RGS12: variants seen among roughly 807,000 people sequenced by gnomAD.
The protein encoded by RGS12 is regulator of G-protein signaling 12.
A neutral mutation model predicts 120.1 loss-of-function variants in RGS12; 66 were observed. That is an observed-to-expected ratio of 0.55 (90% CI 0.45 to 0.67). The LOEUF is 0.67. RGS12 is among the 30% of genes least tolerant of loss of function. The pLI, the probability that RGS12 is intolerant of heterozygous loss-of-function variation, is 0.00. For synonymous variants in RGS12, 827 were observed against 804.7 expected, an observed-to-expected ratio of 1.03 and a Z score of -0.47; for missense variants, 1,859 against 1,957.7, an observed-to-expected ratio of 0.95 and a Z score of 0.95.
At chr4:3,307,956 A>G (rs912075724) in intron 1 of RGS12, among the ~76,000 whole-genome samples, 1 of 152,272 alleles carries the variant, frequency 6.6e-6, no homozygotes, top group Non-Finnish European at 1.5e-5. Context: ...GGTTCCAGCC[A>G]GACTCACCAG....
chr4:3,396,347 G>A (rs1720048638), intron 4 of RGS12, among the ~76,000 whole-genome samples: 1 of 152,110 alleles, frequency 6.6e-6, no homozygotes, highest in South Asian at 2.1e-4. Flanking sequence ...TAATGCTTAT[G>A]TCCCTTTAGA....
Position 3,366,553 on chromosome 4 carries a change from G to A in RGS12, c.1999-19863G>A, listed in dbSNP as rs868847176. ...TCCGGCCCCGTGAAGGAGGCAGCAGGGCTTGCGGCCGGGATCCACCAGGGC... is the reference window on the plus strand; with the variant it reads ...TCCGGCCCCGTGAAGGAGGCAGCAGAGCTTGCGGCCGGGATCCACCAGGGC... On this transcript the variant is annotated intron_variant, in intron 3 of 17. Transcript: ENST00000336727. This position sits in a 1 kb window ranked among gnomAD's most constrained non-coding sequence, Gnocchi z 4.0. Among the ~76,000 whole-genome samples the A allele has an allele frequency of 6.6e-6, 1 of 152,178 alleles. No individual in the cohort carries two copies. The highest frequency in any genetic ancestry group is 2.1e-4 in the South Asian group (1 of 4,830).
chr4:3,368,608 A>G (rs1359094234), intron 3 of RGS12, among the ~76,000 whole-genome samples: 2 of 61,502 alleles, frequency 3.3e-5, no homozygotes, highest in Non-Finnish European at 3.0e-5. Context: ...GTGTGTGGGT[A>G]CCTGTGTGTG....
Position 3,414,224 on chromosome 4 carries a change from G to A in RGS12, c.2173G>A (p.Gly725Ser), listed in dbSNP as rs1722076890. 4 of 1,544,046 alleles carry A rather than the reference G, an allele frequency of 2.6e-6. No individual in the cohort carries two copies. Among genetic ancestry groups the A allele is most frequent in the Non-Finnish European group, 3.5e-6 (4 of 1,148,186 alleles). The stretch of plus-strand genomic sequence containing the variant: ...TGAGCGCCTGCTGCAGGACCCCGTC[G>A]GTGTCCGCTACTTCTCTGTGAGTAG... ...SFERLLQDPV[G>S]VRYFSDFLRK... is the part of the protein sequence containing the mutation. The change falls in exon 5 of 18, where the codon GGT becomes AGT. Residue 725 changes from glycine (G) to serine (S), a missense_variant. This residue lies in a region of RGS12 where 967 missense variants were observed against 994.2 expected (regional missense o/e 0.97). Coordinates refer to ENST00000336727, the MANE Select transcript of RGS12 (RefSeq NM_001394154.1).
chr4:3,346,121 A>G (rs925033859), intron 3 of RGS12, among the ~76,000 whole-genome samples: 4 of 152,204 alleles, frequency 2.6e-5, no homozygotes, highest in East Asian at 1.9e-4. Flanking sequence ...AGTATCAGCA[A>G]TAGCACAGAC....
intron 6 of RGS12, 25 bp from the exon 7 acceptor site, chr4:3,415,953 G>C: frequency 6.3e-7 from 1 of 1,590,488 alleles, no homozygotes; most frequent in East Asian, 2.3e-5. Context: ...GCCTTGCCGG[G>C]CTGCTCAGGT....
At chr4:3,343,577 T>TA (rs1440564330) in intron 3 of RGS12, among the ~76,000 whole-genome samples, 14 of 152,288 alleles carry the variant, frequency 9.2e-5, no homozygotes, top group Admixed American at 8.5e-4. Context: ...GGGTGTTTGT[T>TA]ACAGTTGACA....
chr4:3,421,721 C>T (rs10018159), intron 10 of RGS12, among the ~76,000 whole-genome samples: 8,057 of 152,294 alleles, frequency 0.053, 688 homozygotes, highest in African/African-American at 0.18. Context: ...AGGACGGCCT[C>T]TGGAGGCCCA....
intron 3 of RGS12, among the ~76,000 whole-genome samples, chr4:3,373,412 G>A (rs1186009286): frequency 1.3e-5 from 2 of 152,238 alleles, no homozygotes; most frequent in Non-Finnish European, 2.9e-5. Flanking sequence ...GCGTGCCTGG[G>A]CTGACGTGTC....
intron 2 of RGS12, among the ~76,000 whole-genome samples, chr4:3,328,952 C>T (rs1446537424): frequency 6.6e-6 from 1 of 152,166 alleles, no homozygotes. Flanking sequence ...TCCCCCTTGT[C>T]TACTAACCAT....
intron 1 of RGS12, among the ~76,000 whole-genome samples, chr4:3,301,085 G>A (rs756030646): frequency 3.3e-5 from 5 of 151,976 alleles, no homozygotes; most frequent in Non-Finnish European, 7.4e-5. Context: ...TGTAACACGG[G>A]GTCTGTCCTG....
chr4:3,438,707 A>C (rs1026262400), intron 17 of RGS12, among the ~76,000 whole-genome samples: 1 of 152,008 alleles, frequency 6.6e-6, no homozygotes, highest in Non-Finnish European at 1.5e-5. Flanking sequence ...GCTGGCAAGG[A>C]GATGGCCTGC....
At chr4:3,397,780 C>T (rs991313302) in intron 4 of RGS12, among the ~76,000 whole-genome samples, 1 of 152,148 alleles carries the variant, frequency 6.6e-6, no homozygotes, top group African/African-American at 2.4e-5. Flanking sequence ...GAGTCATCAG[C>T]GTTTCAATGA....
chr4:3,317,961 C>A lies in RGS12; in HGVS notation c.1791C>A (p.Ala597=). 6.2e-7 allele frequency: 1 copy of A among 1,613,870 alleles called. No individual in the cohort carries two copies. ...GCTTCGCGCAGCCCCCGCTGAATGCCCCGAAGAGGGAGTGGTCCAGGAAGG... is the reference window on the plus strand; with the variant it reads ...GCTTCGCGCAGCCCCCGCTGAATGCACCGAAGAGGGAGTGGTCCAGGAAGG... ...EGSFAQPPLN[A]PKREWSRKAF... is the part of the protein sequence containing the mutation. The change falls in exon 2 of 18, where the codon GCC becomes GCA. Residue 597 remains alanine (A), a synonymous_variant. Transcript: ENST00000336727.
chr4:3,352,035 A>G (rs944651248), intron 3 of RGS12, among the ~76,000 whole-genome samples: 14 of 152,350 alleles, frequency 9.2e-5, no homozygotes, highest in African/African-American at 3.4e-4. Flanking sequence ...AAGCAAATCA[A>G]AATAAAACAA....
chr4:3,372,257 G>A lies in RGS12; in HGVS notation c.1999-14159G>A, dbSNP rs1560123234. Among the ~76,000 whole-genome samples the A allele has an allele frequency of 6.6e-6, 1 of 152,004 alleles. No individual in the cohort carries two copies. The highest frequency in any genetic ancestry group is 1.5e-5 in the Non-Finnish European group (1 of 67,980). ...TGTGGGGTGGCCGCTCTGGGCTGGG[G>A]GGCTGCTGCAGCCCTGGGCAGCCCA... is the stretch of plus-strand genomic sequence containing the variant. On this transcript the variant is annotated intron_variant, in intron 3 of 17. Transcript: ENST00000336727. The surrounding 1 kb of genome is among the most constrained non-coding windows in gnomAD (Gnocchi z 4.3).
At chr4:3,370,429 A>G in intron 3 of RGS12, 1 of 1,061,406 alleles carries the variant, frequency 9.4e-7, no homozygotes, top group Non-Finnish European at 1.5e-6. Flanking sequence ...AAATGCTTGT[A>G]AGGATAAGCT....
intron 17 of RGS12, among the ~76,000 whole-genome samples, chr4:3,436,411 G>C (rs1195176850): frequency 6.6e-6 from 1 of 152,188 alleles, no homozygotes; most frequent in Non-Finnish European, 1.5e-5. Flanking sequence ...GCTTCACAGA[G>C]GAGGTGGCTG....
intron 17 of RGS12, among the ~76,000 whole-genome samples, chr4:3,432,524 G>C (rs1724414028): frequency 6.6e-6 from 1 of 152,236 alleles, no homozygotes; most frequent in South Asian, 2.1e-4. Context: ...CGTGTGTCAG[G>C]CTGCCTGGGA....
Sources: gnomAD v4.1 joint callset for allele counts (sites outside exome capture counted in the v4.1 genomes callset) on GRCh38, gnomAD v4.1.1 for gene constraint, gnomAD v4.1.1 regional missense constraint, Gnocchi (gnomAD v3.1) non-coding constraint, MANE v1.5 for transcripts, NCBI Gene and HGNC (gene_info 2026-07-23, HGNC 2026-07-21) for gene names.